The following MDN1 variants were observed in gnomAD, a reference collection of about 807,000 sequenced individuals.
The protein encoded by MDN1 is midasin AAA ATPase 1.
A neutral mutation model predicts 669.2 loss-of-function variants in MDN1; 266 were observed. The ratio of observed to expected loss-of-function variants is 0.40; its 90% CI spans 0.36 to 0.44. The LOEUF (loss-of-function observed/expected upper bound fraction) is 0.44, where lower values mean the gene tolerates loss of function less well. MDN1 is among the 20% of genes least tolerant of loss of function. The pLI, the probability that MDN1 is intolerant of heterozygous loss-of-function variation, is 1.00. For synonymous variants in MDN1, 2,385 were observed against 2,457.1 expected (o/e 0.97, Z 0.87); for missense variants, 5,940 against 6,754.0 (o/e 0.88, Z 4.22).
chr6:89,650,296 G>C, intron 96 of MDN1, 98 bp from the exon 97 acceptor site: 2 of 1,104,186 alleles, frequency 1.8e-6, no homozygotes, highest in Non-Finnish European at 2.6e-6. Context: ...AAAACCAATA[G>C]CAAGTAACTA....
intron 67 of MDN1, among the ~76,000 whole-genome samples, chr6:89,687,686 G>A (rs1206334587): frequency 6.6e-6 from 1 of 152,140 alleles, no homozygotes; most frequent in African/African-American, 2.4e-5. Flanking sequence ...GCCTGAATTC[G>A]TGCTCTTTGC....
At chr6:89,787,790 C>T in intron 8 of MDN1, 64 bp downstream of exon 8, 3 of 1,289,728 alleles carry the variant, frequency 2.3e-6, no homozygotes, top group South Asian at 1.3e-5. Context: ...GGACCTCTGG[C>T]TCAGCATGCA....
intron 66 of MDN1, 103 bp downstream of exon 66, chr6:89,688,470 T>C: frequency 1.0e-6 from 1 of 1,001,418 alleles, no homozygotes; most frequent in Non-Finnish European, 1.5e-6. Flanking sequence ...CCTTTGTTTA[T>C]ATGTATATAT....
chr6:89,676,835 G>A (rs919999673), intron 76 of MDN1, among the ~76,000 whole-genome samples: 2 of 152,146 alleles, frequency 1.3e-5, no homozygotes, highest in Non-Finnish European at 2.9e-5. Context: ...AACATCCTCT[G>A]CTGTGTTGTA....
At chr6:89,664,785 T>G (rs1474983445) in intron 84 of MDN1, among the ~76,000 whole-genome samples, 157 bp from the exon 85 acceptor site, 2 of 152,198 alleles carry the variant, frequency 1.3e-5, no homozygotes, top group African/African-American at 2.4e-5. Flanking sequence ...TTGTAAAATT[T>G]CTGGAGTTAG....
intron 49 of MDN1, 124 bp downstream of exon 49, chr6:89,711,912 C>A: frequency 1.2e-6 from 1 of 856,342 alleles, no homozygotes; most frequent in South Asian, 1.8e-5. Context: ...CAAATTTCTT[C>A]CTAGGAGACC....
At chr6:89,731,551 T>C (rs931512789) in intron 34 of MDN1, among the ~76,000 whole-genome samples, 2 of 151,284 alleles carry the variant, frequency 1.3e-5, no homozygotes, top group African/African-American at 4.9e-5. Context: ...TAAGTGGGAG[T>C]TGAACAATGA....
chr6:89,718,976 G>T lies in MDN1; in HGVS notation c.6112C>A (p.Pro2038Thr). Residue 2038 changes from proline to threonine, a missense_variant, in exon 42 of 102, where the codon CCC becomes ACC. Physicochemically the swap from Pro to Thr is conservative, Grantham distance 38. Coordinates refer to ENST00000369393, the MANE Select transcript of MDN1 (RefSeq NM_014611.3). Reference sequence around the variant, plus strand: ...AATGACTGGTGCAGGAGCAACAGGGGATGGCGGGACGGGTGAGGAACACAG... The same window carrying T: ...AATGACTGGTGCAGGAGCAACAGGGTATGGCGGGACGGGTGAGGAACACAG... ...GSCVPHPSRH[P>T]LLLLHQSFQP... The T allele has an allele frequency of 1.2e-6, 2 of 1,614,200 alleles. No individual in the cohort carries two copies. Among genetic ancestry groups the T allele is most frequent in the South Asian group, 2.2e-5 (2 of 91,082 alleles).
chr6:89,658,350 G>A lies in MDN1; in HGVS notation c.15042C>T (p.Asp5014=). Residue 5014 remains aspartate, a synonymous_variant, in exon 90 of 102, where the codon GAC becomes GAT. Coordinates refer to ENST00000369393, the MANE Select transcript of MDN1 (RefSeq NM_014611.3). ...FQPQEEEERE[D]SDTEEQVPEA... ...CTGGCACCTGCTCCTCTGTATCAGA[G>A]TCCTCCCGTTCTTCTTCCTCCTTCG... The A allele has an allele frequency of 6.2e-7, 1 of 1,614,156 alleles. No homozygotes were observed. The highest frequency in any genetic ancestry group is 8.5e-7 in the Non-Finnish European group (1 of 1,180,054).
chr6:89,756,445 C>A (rs1308536594), intron 19 of MDN1, 55 bp from the exon 20 acceptor site: 10 of 815,960 alleles, frequency 1.2e-5, no homozygotes, highest in South Asian at 1.9e-5. Flanking sequence ...ACTATGTTGA[C>A]AATAGAAAAA....
chr6:89,799,601 T>G (rs1310097258), intron 2 of MDN1, among the ~76,000 whole-genome samples: 4 of 152,140 alleles, frequency 2.6e-5, no homozygotes, highest in Non-Finnish European at 5.9e-5. Flanking sequence ...GAGAATCACT[T>G]GAACCTGGGA....
Position 89,667,937 on chromosome 6 carries a change from C to T in MDN1, c.14094+77G>A. ...TAAAAATTATTAACCTAGTAAAAACCATTTTTATGTGTAACTTACATGTTG... is the reference window on the plus strand; with the variant it reads ...TAAAAATTATTAACCTAGTAAAAACTATTTTTATGTGTAACTTACATGTTG... On this transcript the variant is annotated intron_variant, in intron 84 of 101. Transcript: ENST00000369393. The T allele has an allele frequency of 1.9e-6, 3 of 1,557,756 alleles. No individual in the cohort carries two copies. The African/African-American group carries it at 4.1e-5, about 21-fold the overall frequency.
chr6:89,787,707 G>A, intron 8 of MDN1, 147 bp downstream of exon 8: 1 of 551,950 alleles, frequency 1.8e-6, no homozygotes, highest in Non-Finnish European at 3.1e-6. Context: ...AAAATAATCA[G>A]GAATGAGAAG....
intron 94 of MDN1, 96 bp downstream of exon 94, chr6:89,652,896 T>C (rs1808982918): frequency 7.7e-7 from 1 of 1,306,176 alleles, no homozygotes; most frequent in Non-Finnish European, 1.1e-6. Context: ...AGATGTTCCA[T>C]AAAGTTCTAA....
In MDN1 at chr6:89,746,611, A is replaced by AAAAGAAAGAAAGAAAGAAAG. The variant is rs35724331; in HGVS notation, c.3904+698_3904+717dup. 6.6e-3 allele frequency among the ~76,000 whole-genome samples: 267 copies of AAAAGAAAGAAAGAAAGAAAG among 40,506 alleles called. 1 individual carries two copies. Among genetic ancestry groups the AAAAGAAAGAAAGAAAGAAAG allele is most frequent in the African/African-American group, 0.022 (237 of 10,998 alleles). The allele number at this position is 40,506 out of a possible 152,430, so 26.6% of individuals were successfully genotyped here. A position where few individuals can be genotyped will look rare whatever the true frequency, so the allele number is the denominator to read the frequency against. On this transcript the variant is annotated intron_variant, in intron 27 of 101. Coordinates refer to ENST00000369393, the MANE Select transcript of MDN1 (RefSeq NM_014611.3). ...TCTATCTCAAAAAAAAAAAAAAAAA[A>AAAAGAAAGAAAGAAAGAAAG]AAAGAAAGAAAGAAAGAAAGAAAGA... is the stretch of plus-strand genomic sequence containing the variant.
At chr6:89,766,800 C>G (rs1817821621) in intron 15 of MDN1, among the ~76,000 whole-genome samples, 1 of 152,228 alleles carries the variant, frequency 6.6e-6, no homozygotes, top group Non-Finnish European at 1.5e-5. Flanking sequence ...GTTCAAATTG[C>G]ATGCTCCTGC....
chr6:89,685,385 C>T (rs529920075), intron 70 of MDN1, among the ~76,000 whole-genome samples: 2 of 152,220 alleles, frequency 1.3e-5, no homozygotes, highest in East Asian at 3.9e-4. Flanking sequence ...AATCTATACT[C>T]ATCTTGTAGT....
intron 5 of MDN1, 147 bp from the exon 6 acceptor site, chr6:89,790,548 C>T: frequency 1.0e-6 from 1 of 986,930 alleles, no homozygotes; most frequent in East Asian, 2.4e-5. Context: ...ACAGGTATGT[C>T]ATCTAAAGAT....
chr6:89,684,902 G>A lies in MDN1; in HGVS notation c.11803C>T (p.Arg3935Cys), dbSNP rs1256610676. The change falls in exon 71 of 102, where the codon CGT becomes TGT. Residue 3935 changes from arginine to cysteine, a missense_variant. Arg to Cys is a radical substitution (Grantham distance 180). Transcript: ENST00000369393. ...DRVQAKIVEL[R>C]SPLEKELKEF... is the part of the protein sequence containing the mutation. ...TTAAGTTCTTTTTCTAGGGGGGAAC[G>A]AAGTTCCACAATTTTGGCCTGGACC... 7 of 1,610,378 alleles carry A rather than the reference G, an allele frequency of 4.3e-6. No homozygotes were observed. The East Asian group carries it at 8.9e-5, about 21-fold the overall frequency.
Sources: gnomAD v4.1 joint callset for allele counts (sites outside exome capture counted in the v4.1 genomes callset) on GRCh38, gnomAD v4.1.1 for gene constraint, MANE v1.5 for transcripts, NCBI Gene and HGNC (gene_info 2026-07-23, HGNC 2026-07-21) for gene names.